GBE1: variants seen among roughly 807,000 people sequenced by gnomAD.
The protein encoded by GBE1 is 1,4-alpha-glucan branching enzyme 1.
A neutral mutation model predicts 88.8 loss-of-function variants in GBE1; 70 were observed. The ratio of observed to expected loss-of-function variants is 0.79; its 90% CI spans 0.65 to 0.96. The LOEUF (loss-of-function observed/expected upper bound fraction) is 0.96. Among genes scored for constraint, GBE1 ranks in the 40% least tolerant of loss-of-function variants. The pLI is 0.00. For missense variants in GBE1, 872 were observed against 871.0 expected (o/e 1.00, Z -0.01); for synonymous variants, 284 against 300.1 (o/e 0.95, Z 0.56).
At chr3:81,588,372 C>G (rs1264926183) in intron 9 of GBE1, among the ~76,000 whole-genome samples, 1 of 151,990 alleles carries the variant, frequency 6.6e-6, no homozygotes, top group Non-Finnish European at 1.5e-5. Context: ...ACAATGCCTT[C>G]TGAAAAGAGT....
In GBE1 at chr3:81,676,064, G is replaced by A. The variant is rs188618099; in HGVS notation, c.314-5111C>T. ...TCTTAATAACATTTTCTTTTCTCTA[G>A]CTTACTTAGTTGTAAGAACACAGTA... is the stretch of plus-strand genomic sequence containing the variant. On this transcript the variant is annotated intron_variant, in intron 2 of 15. Transcript: ENST00000429644. 1.4e-4 allele frequency among the ~76,000 whole-genome samples: 22 copies of A among 151,898 alleles called. 1 individual carries two copies. The East Asian group carries it at 4.1e-3, about 28-fold the overall frequency.
chr3:81,618,568 G>T (rs536922412), intron 7 of GBE1, among the ~76,000 whole-genome samples: 1 of 152,200 alleles, frequency 6.6e-6, no homozygotes, highest in Non-Finnish European at 1.5e-5. Context: ...GAATAGCAGT[G>T]AGAAGTTTCT....
intron 12 of GBE1, among the ~76,000 whole-genome samples, chr3:81,538,863 G>A (rs1703110454): frequency 6.6e-6 from 1 of 151,932 alleles, no homozygotes; most frequent in Non-Finnish European, 1.5e-5. Flanking sequence ...CTTCCCATAG[G>A]CAAAATACTT....
intron 14 of GBE1, among the ~76,000 whole-genome samples, chr3:81,520,437 T>A (rs1576130087): frequency 6.6e-6 from 1 of 151,556 alleles, no homozygotes; most frequent in Non-Finnish European, 1.5e-5. Flanking sequence ...TCTCCCCACA[T>A]CATTTAAAAT....
At chr3:81,555,479 C>G (rs1703334713) in intron 12 of GBE1, among the ~76,000 whole-genome samples, 1 of 152,134 alleles carries the variant, frequency 6.6e-6, no homozygotes, top group Non-Finnish European at 1.5e-5. Flanking sequence ...TAGTTAGTAA[C>G]TTAATGGGTG....
chr3:81,586,489 C>G (rs572624904), intron 9 of GBE1, among the ~76,000 whole-genome samples: 1 of 152,268 alleles, frequency 6.6e-6, no homozygotes, highest in East Asian at 1.9e-4. Flanking sequence ...TATTTTTGAA[C>G]TACTGTAAAA....
At chr3:81,637,333 T>G (rs961542867) in intron 7 of GBE1, among the ~76,000 whole-genome samples, 4 of 152,090 alleles carry the variant, frequency 2.6e-5, no homozygotes, top group African/African-American at 9.7e-5. Flanking sequence ...TTCTGGAATT[T>G]TCCATTTAAT....
intron 2 of GBE1, among the ~76,000 whole-genome samples, chr3:81,695,712 G>A (rs187168732): frequency 4.7e-4 from 72 of 152,116 alleles, no homozygotes; most frequent in African/African-American, 1.6e-3. Context: ...TACAAAAAGC[G>A]AGAGTATTAA....
intron 2 of GBE1, among the ~76,000 whole-genome samples, chr3:81,672,306 C>T (rs933681252): frequency 2.6e-4 from 39 of 152,000 alleles, no homozygotes; most frequent in African/African-American, 9.2e-4. Flanking sequence ...CACAAGAAGG[C>T]ATTCAAAATT....
intron 2 of GBE1, among the ~76,000 whole-genome samples, chr3:81,681,318 G>A (rs1279609765): frequency 6.6e-6 from 1 of 152,066 alleles, no homozygotes; most frequent in Non-Finnish European, 1.5e-5. Context: ...TTTAGACAGG[G>A]AGCACACTGT....
Position 81,623,206 on chromosome 3 carries a change from T to C in GBE1, c.992+19575A>G, listed in dbSNP as rs138013719. 6.3e-3 allele frequency among the ~76,000 whole-genome samples: 961 copies of C among 152,298 alleles called. 4 individuals carry two copies. Among genetic ancestry groups the C allele is most frequent in the Middle Eastern group, 0.017 (5 of 294 alleles). The stretch of plus-strand genomic sequence containing the variant: ...AACTCTCTGGAGTCTCCTGAAATTC[T>C]CCCTCACTTACCAATCTACATCTCC... On this transcript the variant is annotated intron_variant, in intron 7 of 15. Coordinates refer to ENST00000429644, the MANE Select transcript of GBE1 (RefSeq NM_000158.4).
At chr3:81,577,868 G>A (rs1448503457) in intron 12 of GBE1, 57 bp downstream of exon 12, 11 of 1,349,050 alleles carry the variant, frequency 8.2e-6, no homozygotes, top group Non-Finnish European at 1.1e-5. Context: ...CATGATTTAT[G>A]TCATTATAAG....
chr3:81,627,928 G>C (rs893182749), intron 7 of GBE1, among the ~76,000 whole-genome samples: 2 of 151,860 alleles, frequency 1.3e-5, no homozygotes, highest in Admixed American at 6.6e-5. Flanking sequence ...TGGACTACAG[G>C]CTAGGATTAC....
intron 1 of GBE1, among the ~76,000 whole-genome samples, chr3:81,749,858 T>C (rs1289448522): frequency 2.0e-5 from 3 of 152,232 alleles, no homozygotes; most frequent in African/African-American, 7.2e-5. Flanking sequence ...TGTTTTCAAA[T>C]GTCCTCTGAC....
At chr3:81,750,577 G>GTATATATATATATGTA (rs199515105) in intron 1 of GBE1, among the ~76,000 whole-genome samples, 2 of 35,220 alleles carry the variant, frequency 5.7e-5, no homozygotes, top group African/African-American at 3.9e-4. Flanking sequence ...ATATATATAC[G>GTATATATATATATGTA]TATATATATA....
At position 81,584,831 on chromosome 3, in the gene GBE1, T is replaced by C. The variant is rs960312689; in HGVS notation, c.1335+1261A>G. Among the ~76,000 whole-genome samples, 4 of 151,504 alleles carry C rather than the reference T, an allele frequency of 2.6e-5. No homozygotes were observed. The East Asian group carries it at 7.7e-4, about 29-fold the overall frequency. ...CTTTGTGCTATTACTGACTGAAAAATAATTCTAGGTTGACGTACACCTTAA... is the reference window on the plus strand; with the variant it reads ...CTTTGTGCTATTACTGACTGAAAAACAATTCTAGGTTGACGTACACCTTAA... On this transcript the variant is annotated intron_variant, in intron 10 of 15. Coordinates refer to ENST00000429644, the MANE Select transcript of GBE1 (RefSeq NM_000158.4).
At chr3:81,606,391 T>C (rs1443710234) in intron 7 of GBE1, among the ~76,000 whole-genome samples, 1 of 152,236 alleles carries the variant, frequency 6.6e-6, no homozygotes, top group Non-Finnish European at 1.5e-5. Flanking sequence ...TTTGCAAATG[T>C]ACAGTGTATG....
At chr3:81,616,737 C>A (rs1704253103) in intron 7 of GBE1, among the ~76,000 whole-genome samples, 1 of 152,054 alleles carries the variant, frequency 6.6e-6, no homozygotes, top group South Asian at 2.1e-4. Flanking sequence ...AAAATGTCTT[C>A]CAAGAATTTG....
chr3:81,579,937 C>T (rs1703698573), intron 11 of GBE1, among the ~76,000 whole-genome samples: 1 of 152,128 alleles, frequency 6.6e-6, no homozygotes, highest in African/African-American at 2.4e-5. Context: ...ATCAGCATGG[C>T]TGTGTTCCAA....
Sources: allele counts gnomAD v4.1 joint callset (sites outside exome capture counted in the v4.1 genomes callset), GRCh38; gene constraint gnomAD v4.1.1; transcripts MANE v1.5; gene names NCBI Gene and HGNC (gene_info 2026-07-23, HGNC 2026-07-21).